Variants in NFIL3 observed in about 807,000 individuals in gnomAD.
NFIL3 encodes nuclear factor interleukin-3-regulated protein.
NFIL3 carries 5 observed loss-of-function variants against 10.0 expected under a neutral mutation model. The ratio of observed to expected loss-of-function variants is 0.50; its 90% CI spans 0.26 to 1.06. The LOEUF is 1.06. Ranked by LOEUF, NFIL3 falls within the 50% of genes least tolerant of loss-of-function variation. The probability of loss-of-function intolerance (pLI) is 0.13; values close to 1 mark genes in which losing one functional copy is unlikely to be tolerated. For missense variants in NFIL3, 436 were observed against 547.6 expected (o/e 0.80, Z 2.03); for synonymous variants, 202 against 206.5 (o/e 0.98, Z 0.19).
In NFIL3 at chr9:91,410,393, A is replaced by G. The variant is rs756283495; in HGVS notation, c.342T>C (p.Thr114=). 3.1e-6 allele frequency: 5 copies of G among 1,613,628 alleles called. No individual in the cohort carries two copies. The highest frequency in any genetic ancestry group is 4.2e-6 in the Non-Finnish European group (5 of 1,179,916). Residue 114 remains threonine (T), a synonymous_variant, in exon 2 of 2, where the codon ACT becomes ACC. Transcript: ENST00000297689. The surrounding 1 kb of genome is among the most constrained non-coding windows in gnomAD (Gnocchi z 5.7). Reference sequence around the variant, plus strand: ...TTAGTGAAAGCAGCTCAGCTTTTAAAGTGGCGTTTTCTTCTCCCAGTGCAA... The same window carrying G: ...TTAGTGAAAGCAGCTCAGCTTTTAAGGTGGCGTTTTCTTCTCCCAGTGCAA... ...KLIALGEENA[T]LKAELLSLKL...
the NFIL3 span, among the ~76,000 whole-genome samples, chr9:91,435,589 A>G: frequency 1.3e-5 from 2 of 152,156 alleles, no homozygotes; most frequent in Admixed American, 6.5e-5. Context: ...GCACTGAATC[A>G]GTTTTAGAGA....
chr9:91,429,295 T>C, the NFIL3 span, among the ~76,000 whole-genome samples: 1 of 152,184 alleles, frequency 6.6e-6, no homozygotes, highest in African/African-American at 2.4e-5. Context: ...TCTCTGAATG[T>C]CCATTCCTTC....
the NFIL3 span, among the ~76,000 whole-genome samples, chr9:91,444,914 T>C: frequency 0.018 from 2,774 of 152,296 alleles, 49 homozygotes; most frequent in Non-Finnish European, 0.023. Flanking sequence ...GGTGCTGGGA[T>C]CCAGGGCCCA....
chr9:91,424,276 C>A (rs901652577), upstream of NFIL3, among the ~76,000 whole-genome samples: 1 of 152,166 alleles, frequency 6.6e-6, no homozygotes, highest in South Asian at 2.1e-4. Context: ...CGCAGAGGCG[C>A]TTTTTGTCTT....
At chr9:91,430,268 GT>G in the NFIL3 span, among the ~76,000 whole-genome samples, 1 of 152,160 alleles carries the variant, frequency 6.6e-6, no homozygotes, top group Non-Finnish European at 1.5e-5. Flanking sequence ...AATAACAGAG[GT>G]GGATGGGGAT....
At chr9:91,482,053 C>G in the NFIL3 span, among the ~76,000 whole-genome samples, 1 of 152,036 alleles carries the variant, frequency 6.6e-6, no homozygotes, top group Non-Finnish European at 1.5e-5. Context: ...ATACTTTGCC[C>G]GTGGGAACAG....
the NFIL3 span, among the ~76,000 whole-genome samples, chr9:91,447,423 G>T: frequency 1.3e-5 from 2 of 152,128 alleles, no homozygotes; most frequent in South Asian, 2.1e-4. Context: ...TTTTTCACAG[G>T]AGCTGCACCA....
the NFIL3 span, among the ~76,000 whole-genome samples, chr9:91,429,953 C>T: frequency 2.0e-5 from 3 of 152,136 alleles, no homozygotes; most frequent in Non-Finnish European, 2.9e-5. Flanking sequence ...GTGTGCCTCA[C>T]TTTCACCTTT....
chr9:91,459,530 TA>T, the NFIL3 span, among the ~76,000 whole-genome samples: 1 of 151,888 alleles, frequency 6.6e-6, no homozygotes, highest in South Asian at 2.1e-4. Flanking sequence ...CAAAATTAAA[TA>T]AAAAATTAGC....
At chr9:91,429,956 T>C in the NFIL3 span, among the ~76,000 whole-genome samples, 12 of 152,248 alleles carry the variant, frequency 7.9e-5, no homozygotes, top group Admixed American at 3.9e-4. Flanking sequence ...TGCCTCACTT[T>C]CACCTTTTGA....
the NFIL3 span, among the ~76,000 whole-genome samples, chr9:91,443,026 A>G: frequency 1.6e-4 from 24 of 152,280 alleles, no homozygotes; most frequent in East Asian, 4.7e-3. Context: ...GCTTCACTGA[A>G]TGACAGAACA....
At chr9:91,439,044 T>C in the NFIL3 span, among the ~76,000 whole-genome samples, 127 of 152,268 alleles carry the variant, frequency 8.3e-4, 2 homozygotes, top group East Asian at 0.021. Flanking sequence ...TTAAAAAAAA[T>C]TTCTGTGACA....
At chr9:91,483,355 AAAT>A in the NFIL3 span, among the ~76,000 whole-genome samples, 1 of 152,190 alleles carries the variant, frequency 6.6e-6, no homozygotes, top group Non-Finnish European at 1.5e-5. Context: ...ACCCTGCTCA[AAAT>A]CAGAAAGCCT....
In NFIL3 at chr9:91,410,744, C is replaced by A. The variant is rs200500513; in HGVS notation, c.-10G>T. 2 of 1,573,266 alleles carry A rather than the reference C, an allele frequency of 1.3e-6. No homozygotes were observed. The highest frequency in any genetic ancestry group is 2.0e-5 in the Admixed American group (1 of 51,058). On this transcript the variant is annotated 5_prime_UTR_variant, in exon 2 of 2. Coordinates refer to ENST00000297689, the MANE Select transcript of NFIL3 (RefSeq NM_005384.3). This position sits in a 1 kb window ranked among gnomAD's most constrained non-coding sequence, Gnocchi z 5.7. ...TTTTTCTCAGCTGCATCAGAAACAA[C>A]CTTACCCTATCTATGTGTGTAGGAG... is the stretch of plus-strand genomic sequence containing the variant.
chr9:91,474,066 A>C, the NFIL3 span, among the ~76,000 whole-genome samples: 1 of 149,754 alleles, frequency 6.7e-6, no homozygotes, highest in African/African-American at 2.5e-5. Flanking sequence ...CTTATGTATC[A>C]TGTTAGTTGT....
the NFIL3 span, among the ~76,000 whole-genome samples, chr9:91,464,147 T>A: frequency 4.6e-5 from 7 of 152,098 alleles, no homozygotes; most frequent in South Asian, 4.1e-4. Context: ...TTTAAAGTCA[T>A]TATTGGTATA....
At chr9:91,481,104 T>C in the NFIL3 span, among the ~76,000 whole-genome samples, 1 of 152,246 alleles carries the variant, frequency 6.6e-6, no homozygotes, top group African/African-American at 2.4e-5. Context: ...CACATAGGTG[T>C]GTAGAGTTAA....
the NFIL3 span, among the ~76,000 whole-genome samples, chr9:91,439,388 T>G: frequency 4.7e-4 from 70 of 150,174 alleles, no homozygotes; most frequent in African/African-American, 1.7e-3. Flanking sequence ...AATTCACTTA[T>G]TAGTTCTAAC....
the NFIL3 span, among the ~76,000 whole-genome samples, chr9:91,471,467 C>T: frequency 1.5e-4 from 22 of 148,062 alleles, no homozygotes; most frequent in Non-Finnish European, 2.7e-4. Flanking sequence ...GACTCTTTAT[C>T]CAATTTGCCA....
Sources: gnomAD v4.1 joint callset for allele counts (sites outside exome capture counted in the v4.1 genomes callset) on GRCh38, gnomAD v4.1.1 for gene constraint, Gnocchi (gnomAD v3.1) non-coding constraint, MANE v1.5 for transcripts, NCBI Gene and HGNC (gene_info 2026-07-23, HGNC 2026-07-21) for gene names.